The following RBPJ variants were observed in gnomAD, a reference collection of about 807,000 sequenced individuals.
The protein encoded by RBPJ is recombination signal binding protein for immunoglobulin kappa J region.
Under a neutral mutation model 67.8 loss-of-function variants are expected in RBPJ, and 9 were observed. The observed-to-expected ratio is 0.13, with a 90% CI of 0.08 to 0.23. The LOEUF (loss-of-function observed/expected upper bound fraction) is 0.23, where lower values mean the gene tolerates loss of function less well. RBPJ is among the 10% of genes least tolerant of loss of function. The probability of loss-of-function intolerance (pLI) is 1.00; values close to 1 mark genes in which losing one functional copy is unlikely to be tolerated. For synonymous variants in RBPJ, 198 were observed against 203.3 expected (o/e 0.97, Z 0.22); for missense variants, 305 against 595.6 (o/e 0.51, Z 5.08).
At chr4:26,156,192 A>G in the RBPJ span, among the ~76,000 whole-genome samples, 1 of 152,214 alleles carries the variant, frequency 6.6e-6, no homozygotes, top group Non-Finnish European at 1.5e-5. Context: ...GTAAGTATTC[A>G]ATAAATGATT....
At chr4:26,279,512 G>A (rs1156990376) in intron 1 of RBPJ, among the ~76,000 whole-genome samples, 3 of 152,088 alleles carry the variant, frequency 2.0e-5, no homozygotes, top group Non-Finnish European at 4.4e-5. Flanking sequence ...TCTTGACCTC[G>A]TGATCCACCC....
intron 1 of RBPJ, among the ~76,000 whole-genome samples, chr4:26,244,452 T>TATGTGTACGC (rs1560226681): frequency 4.5e-4 from 5 of 11,020 alleles, no homozygotes; most frequent in African/African-American, 1.3e-3. Context: ...TGTGTATACA[T>TATGTGTACGC]ATATGTGTGT....
intron 1 of RBPJ, among the ~76,000 whole-genome samples, chr4:26,374,755 A>G (rs1729533148): frequency 6.6e-6 from 1 of 152,220 alleles, no homozygotes. Flanking sequence ...GGCGTGAGCC[A>G]GTGTGCCCGG....
intron 1 of RBPJ, among the ~76,000 whole-genome samples, chr4:26,280,425 G>C (rs958707732): frequency 6.7e-6 from 1 of 149,216 alleles, no homozygotes; most frequent in Non-Finnish European, 1.5e-5. Context: ...AAGAGAGAGA[G>C]AGCCCCATTC....
At chr4:26,300,895 G>A (rs546418934) in intron 1 of RBPJ, among the ~76,000 whole-genome samples, 1 of 152,314 alleles carries the variant, frequency 6.6e-6, no homozygotes, top group South Asian at 2.1e-4. Context: ...TTAAATATTT[G>A]ATAGAGTAGA....
chr4:26,128,996 T>C, the RBPJ span, among the ~76,000 whole-genome samples: 1 of 152,230 alleles, frequency 6.6e-6, no homozygotes, highest in Non-Finnish European at 1.5e-5. Context: ...TTCTTTTTCA[T>C]TGTAAATTAC....
At chr4:26,271,515 T>C (rs559745769) in intron 1 of RBPJ, among the ~76,000 whole-genome samples, 1 of 152,008 alleles carries the variant, frequency 6.6e-6, no homozygotes, top group Admixed American at 6.5e-5. Context: ...CGAACTCCAG[T>C]CTCCTCTCCT....
At chr4:26,228,868 T>C (rs1448471255) in intron 1 of RBPJ, among the ~76,000 whole-genome samples, 4 of 152,230 alleles carry the variant, frequency 2.6e-5, no homozygotes, top group Non-Finnish European at 5.9e-5. Context: ...AACTCTCTGT[T>C]ACCTTTATGT....
At chr4:26,257,172 A>G (rs919853967) in intron 1 of RBPJ, among the ~76,000 whole-genome samples, 1 of 152,230 alleles carries the variant, frequency 6.6e-6, no homozygotes, top group African/African-American at 2.4e-5. Context: ...TAATACCCAC[A>G]CTAGTCTGAT....
At chr4:26,369,642 G>A (rs906448641) in intron 1 of RBPJ, among the ~76,000 whole-genome samples, 26 of 152,154 alleles carry the variant, frequency 1.7e-4, no homozygotes, top group African/African-American at 5.6e-4. Context: ...GAAAAGCTCT[G>A]TATTTCAACT....
chr4:26,184,700 C>T (rs750211148), intron 1 of RBPJ, among the ~76,000 whole-genome samples: 5 of 151,984 alleles, frequency 3.3e-5, no homozygotes, highest in South Asian at 2.1e-4. Context: ...AGGCCAAGTC[C>T]GGGATGTGGG....
chr4:26,123,779 C>T, the RBPJ span, among the ~76,000 whole-genome samples: 1 of 152,134 alleles, frequency 6.6e-6, no homozygotes, highest in Admixed American at 6.5e-5. Flanking sequence ...TGTGCCTCCA[C>T]AGGGTCAGGG....
the RBPJ span, among the ~76,000 whole-genome samples, chr4:26,145,026 TTC>T: frequency 7.0e-6 from 1 of 143,774 alleles, no homozygotes; most frequent in African/African-American, 2.8e-5. Flanking sequence ...CTTCTTCTTC[TTC>T]TTTTTTTTTT....
At chr4:26,397,493 CT>C (rs1269026776) in intron 2 of RBPJ, among the ~76,000 whole-genome samples, 2 of 152,162 alleles carry the variant, frequency 1.3e-5, no homozygotes, top group African/African-American at 4.8e-5. Flanking sequence ...TGTTTTGCAA[CT>C]TTTCCTTAAA....
At chr4:26,335,617 C>CTTTT (rs34386877) in intron 1 of RBPJ, among the ~76,000 whole-genome samples, 7 of 107,840 alleles carry the variant, frequency 6.5e-5, no homozygotes, top group African/African-American at 1.3e-4. Context: ...ATGCTTACTT[C>CTTTT]TTTTTTTTTT....
chr4:26,322,225 GATGTAT>G (rs1486161220), intron 1 of RBPJ: 1 of 152,220 alleles, frequency 6.6e-6, no homozygotes, highest in Non-Finnish European at 1.5e-5. Context: ...GGAGGCTCAA[GATGTAT>G]ATATGTGTTT....
intron 1 of RBPJ, among the ~76,000 whole-genome samples, chr4:26,269,239 ATTATTTATTTAT>A (rs372091669): frequency 6.7e-5 from 10 of 148,960 alleles, no homozygotes; most frequent in South Asian, 2.1e-4. Context: ...TTTATTTTTT[ATTATTTATTTAT>A]TTATTTATTT....
At chr4:26,149,657 T>C in the RBPJ span, among the ~76,000 whole-genome samples, 1 of 152,182 alleles carries the variant, frequency 6.6e-6, no homozygotes, top group Admixed American at 6.5e-5. Flanking sequence ...CCTTCCACCT[T>C]TCACTATGGG....
intron 2 of RBPJ, among the ~76,000 whole-genome samples, chr4:26,391,980 T>G (rs976918377): frequency 2.0e-5 from 3 of 152,174 alleles, no homozygotes; most frequent in African/African-American, 7.2e-5. Context: ...ACTGTCTTCT[T>G]TATGTGTCCT....
Sources: allele counts gnomAD v4.1 joint callset (sites outside exome capture counted in the v4.1 genomes callset), GRCh38; gene constraint gnomAD v4.1.1; transcripts MANE v1.5; gene names NCBI Gene and HGNC (gene_info 2026-07-23, HGNC 2026-07-21).